The following CPEB3 variants were observed in gnomAD, a reference collection of about 807,000 sequenced individuals.
CPEB3 encodes the protein cytoplasmic polyadenylation element-binding protein 3.
In CPEB3, 20 loss-of-function variants were observed where a neutral mutation model predicts 67.2. The ratio of observed to expected loss-of-function variants is 0.30; its 90% confidence interval spans 0.21 to 0.43. CPEB3 has a LOEUF of 0.43. CPEB3 is among the 20% of genes least tolerant of loss of function. The pLI is 1.00. For missense variants in CPEB3, 746 were observed against 968.6 expected, an observed-to-expected ratio of 0.77 and a Z score of 3.05; for synonymous variants, 376 against 393.1, an observed-to-expected ratio of 0.96 and a Z score of 0.51.
intron 7 of CPEB3, among the ~76,000 whole-genome samples, chr10:92,103,016 GGT>G (rs1376579996): frequency 6.6e-6 from 1 of 152,162 alleles, no homozygotes; most frequent in African/African-American, 2.4e-5. Context: ...GTGCACGTTT[GGT>G]GTGTAAACAA....
intron 9 of CPEB3, among the ~76,000 whole-genome samples, chr10:92,063,797 C>G (rs1291402027): frequency 6.6e-6 from 1 of 151,444 alleles, no homozygotes; most frequent in Non-Finnish European, 1.5e-5. Flanking sequence ...ATCTAGTTAT[C>G]CTAAGGCACG....
At chr10:92,147,098 A>C (rs906427415) in intron 4 of CPEB3, among the ~76,000 whole-genome samples, 3 of 152,192 alleles carry the variant, frequency 2.0e-5, no homozygotes, top group African/African-American at 7.2e-5. Flanking sequence ...ATCTGGGAAA[A>C]TAATGCGTAC....
intron 3 of CPEB3, among the ~76,000 whole-genome samples, chr10:92,186,430 C>T (rs1261978074): frequency 9.4e-6 from 1 of 106,552 alleles, no homozygotes; most frequent in African/African-American, 4.9e-5. Flanking sequence ...TTTTAAAACT[C>T]AGGTGATTTT....
rs1236714006 is a variant in CPEB3, at chr10:92,051,271, T to G, written c.*941A>C. 6.6e-6 allele frequency: 1 copy of G among 152,668 alleles called. No homozygotes were observed. Among genetic ancestry groups the G allele is most frequent in the Non-Finnish European group, 1.5e-5 (1 of 68,040 alleles). The allele number at this position is 152,668 out of a possible 1,614,324, so 9.5% of individuals were successfully genotyped here. A position where few individuals can be genotyped will look rare whatever the true frequency, so the allele number is the denominator to read the frequency against. On this transcript the variant is annotated 3_prime_UTR_variant, in exon 10 of 10. Transcript: ENST00000265997. ...TTTATAGCTTATATAGATTCTTAAT[T>G]TGTGCATTGTGGGAACGTTTTATAC...
chr10:92,224,487 C>T (rs188990071), intron 2 of CPEB3, among the ~76,000 whole-genome samples: 1 of 152,094 alleles, frequency 6.6e-6, no homozygotes. Context: ...TCTTGCCTAA[C>T]CCCTACCCTA....
chr10:92,228,602 G>C (rs2134528654), intron 2 of CPEB3, among the ~76,000 whole-genome samples: 1 of 152,116 alleles, frequency 6.6e-6, no homozygotes, highest in South Asian at 2.1e-4. Context: ...CTTTAAGGTA[G>C]AAAATTATTT....
chr10:92,194,484 A>C, intron 2 of CPEB3, among the ~76,000 whole-genome samples: 1 of 152,096 alleles, frequency 6.6e-6, no homozygotes, highest in Non-Finnish European at 1.5e-5. Context: ...CATGAAGATA[A>C]TGGCAAAAAG....
intron 2 of CPEB3, among the ~76,000 whole-genome samples, chr10:92,201,648 G>A (rs1023241517): frequency 6.6e-6 from 1 of 152,208 alleles, no homozygotes; most frequent in African/African-American, 2.4e-5. Flanking sequence ...AAATCATTGG[G>A]TTGTTAGCCA....
intron 6 of CPEB3, among the ~76,000 whole-genome samples, chr10:92,126,690 T>C (rs59582715): frequency 0.077 from 11,717 of 152,266 alleles, 1,502 homozygotes; most frequent in African/African-American, 0.27. Flanking sequence ...CTGTCCTCCT[T>C]TTCCACCAAT....
chr10:92,125,517 T>C (rs1845571426), intron 6 of CPEB3, among the ~76,000 whole-genome samples: 1 of 152,134 alleles, frequency 6.6e-6, no homozygotes, highest in Non-Finnish European at 1.5e-5. Context: ...GCTATTGCAG[T>C]ATCAGGATCA....
chr10:92,189,334 A>G (rs868574322), intron 3 of CPEB3, among the ~76,000 whole-genome samples: 1 of 152,218 alleles, frequency 6.6e-6, no homozygotes, highest in Non-Finnish European at 1.5e-5. Flanking sequence ...AAATTTCAAC[A>G]TTTAGCTGAA....
intron 1 of CPEB3, among the ~76,000 whole-genome samples, chr10:92,261,533 T>C (rs529321681): frequency 1.3e-5 from 2 of 152,224 alleles, no homozygotes; most frequent in African/African-American, 4.8e-5. Context: ...CTGCAACCTC[T>C]ACCTCCTGGG....
At position 92,206,828 on chromosome 10, in the gene CPEB3, T is replaced by G. The variant is rs200121343; in HGVS notation, c.1006-14192A>C. 3.3e-5 allele frequency among the ~76,000 whole-genome samples: 5 copies of G among 152,326 alleles called. No individual in the cohort carries two copies. In the East Asian group the frequency reaches 7.7e-4, roughly 23 times the overall value. On this transcript the variant is annotated intron_variant, in intron 2 of 9. Transcript: ENST00000265997. ...CCCAAAATATGGAAACAAACTGAAG[T>G]AAAACAGATTTTTTGAGTCCTTTAA...
intron 1 of CPEB3, among the ~76,000 whole-genome samples, chr10:92,273,679 C>T (rs1368347533): frequency 6.6e-6 from 1 of 152,108 alleles, no homozygotes; most frequent in Non-Finnish European, 1.5e-5. Context: ...TCACTTCACA[C>T]CTATCAGATT....
intron 1 of CPEB3, among the ~76,000 whole-genome samples, chr10:92,265,790 CT>C (rs761530938): frequency 1.5e-3 from 203 of 138,250 alleles, no homozygotes; most frequent in Middle Eastern, 3.9e-3. Context: ...AAAAAGTTTT[CT>C]TTTTTTTTTT....
At chr10:92,115,738 T>C (rs980160426) in intron 6 of CPEB3, among the ~76,000 whole-genome samples, 1 of 152,228 alleles carries the variant, frequency 6.6e-6, no homozygotes, top group Non-Finnish European at 1.5e-5. Flanking sequence ...TGTTGCGTAA[T>C]TTATACTGAT....
intron 9 of CPEB3, among the ~76,000 whole-genome samples, chr10:92,070,103 GA>G (rs1842699236): frequency 6.6e-6 from 1 of 152,178 alleles, no homozygotes; most frequent in African/African-American, 2.4e-5. Flanking sequence ...GAGCATGAAA[GA>G]AGGAAAGAAG....
At chr10:92,245,963 G>A (rs1351275201) in intron 1 of CPEB3, among the ~76,000 whole-genome samples, 1 of 151,908 alleles carries the variant, frequency 6.6e-6, no homozygotes, top group African/African-American at 2.4e-5. Context: ...ACTAGAACCT[G>A]GGAGGTGGGG....
chr10:92,091,744 G>A lies in CPEB3; in HGVS notation c.1687+86C>T, dbSNP rs1843628691. ...TTTGGAGACTATGTATAGCTGACTGGAAACCTAGAAAATATTTAAGACTAA... is the reference window on the plus strand; with the variant it reads ...TTTGGAGACTATGTATAGCTGACTGAAAACCTAGAAAATATTTAAGACTAA... On this transcript the variant is annotated intron_variant, in intron 8 of 9. Coordinates refer to ENST00000265997, the MANE Select transcript of CPEB3 (RefSeq NM_014912.5). 6.4e-6 allele frequency: 5 copies of A among 787,368 alleles called. No individual in the cohort carries two copies. The East Asian group carries it at 1.3e-4, about 21-fold the overall frequency. 48.8% of individuals were successfully genotyped at this position (787,368 alleles called of 1,614,324 possible). A position where few individuals can be genotyped will look rare whatever the true frequency, so the allele number is the denominator to read the frequency against.
Sources: allele counts gnomAD v4.1 joint callset (sites outside exome capture counted in the v4.1 genomes callset), GRCh38; gene constraint gnomAD v4.1.1; transcripts MANE v1.5; gene names NCBI Gene and HGNC (gene_info 2026-07-23, HGNC 2026-07-21).